Variants in PARD3B observed in about 807,000 individuals in gnomAD.
PARD3B encodes the protein par-3 family cell polarity regulator beta, also known as partitioning defective 3 homolog B.
PARD3B carries 103 observed loss-of-function variants against 130.2 expected under a neutral mutation model. The ratio of observed to expected loss-of-function variants is 0.79; its 90% CI spans 0.67 to 0.93. The LOEUF (loss-of-function observed/expected upper bound fraction) is 0.93, where lower values mean the gene tolerates loss of function less well. Ranked by LOEUF, PARD3B falls within the 40% of genes least tolerant of loss-of-function variation. The probability of loss-of-function intolerance (pLI) is 0.00; values close to 1 mark genes in which losing one functional copy is unlikely to be tolerated. For missense variants in PARD3B, 1,609 were observed against 1,499.2 expected, an observed-to-expected ratio of 1.07 and a Z score of -1.21; for synonymous variants, 583 against 553.2, an observed-to-expected ratio of 1.05 and a Z score of -0.76.
At chr2:204,567,708 A>T (rs1002135281) in intron 1 of PARD3B, among the ~76,000 whole-genome samples, 1 of 152,182 alleles carries the variant, frequency 6.6e-6, no homozygotes, top group Non-Finnish European at 1.5e-5. Flanking sequence ...CTCTGCTTTC[A>T]CTATTTTCGG....
intron 4 of PARD3B, among the ~76,000 whole-genome samples, chr2:205,077,540 T>G (rs1701142323): frequency 6.6e-6 from 1 of 152,210 alleles, no homozygotes; most frequent in Non-Finnish European, 1.5e-5. Flanking sequence ...AGTTCATGCA[T>G]TCTGTAGTTC....
intron 16 of PARD3B, chr2:205,293,461 A>G (rs1386744382): frequency 2.0e-5 from 3 of 152,370 alleles, no homozygotes; most frequent in Admixed American, 6.5e-5. Flanking sequence ...CAAGGTATAC[A>G]AGGAGGAGCT....
intron 2 of PARD3B, among the ~76,000 whole-genome samples, chr2:204,962,686 A>T (rs1419850934): frequency 1.3e-5 from 2 of 152,190 alleles, no homozygotes; most frequent in African/African-American, 4.8e-5. Context: ...CATATGATTT[A>T]AACCAGTTAT....
intron 1 of PARD3B, among the ~76,000 whole-genome samples, chr2:204,580,400 G>T (rs2032492808): frequency 6.6e-6 from 1 of 151,956 alleles, no homozygotes; most frequent in Non-Finnish European, 1.5e-5. Context: ...TCATGCCCAG[G>T]GTCACACTGG....
intron 18 of PARD3B, among the ~76,000 whole-genome samples, chr2:205,386,729 C>A (rs1009956017): frequency 1.1e-4 from 17 of 151,522 alleles, no homozygotes; most frequent in African/African-American, 4.1e-4. Context: ...ACTGGGGCAC[C>A]GAGCAGGAGG....
chr2:204,731,430 G>T (rs537747571), intron 2 of PARD3B, among the ~76,000 whole-genome samples: 20 of 152,224 alleles, frequency 1.3e-4, no homozygotes, highest in African/African-American at 4.6e-4. Flanking sequence ...TTAACAAAAG[G>T]ATATTTCCAA....
At chr2:205,607,823 A>AACACCCAT (rs1264261950) in intron 22 of PARD3B, among the ~76,000 whole-genome samples, 1,157 of 85,856 alleles carry the variant, frequency 0.013, 50 homozygotes, top group African/African-American at 0.06. Context: ...CCTCTCCCCC[A>AACACCCAT]ACACCCATAC....
chr2:205,108,043 C>T lies in PARD3B; in HGVS notation c.593+3529C>T, dbSNP rs540605194. ...TCTTAAAACGCCAGCGCATTTTAGC[C>T]TATCCTCTCCTGTGTCAAGGATATC... On this transcript the variant is annotated intron_variant, in intron 5 of 22. Coordinates refer to ENST00000406610, the MANE Select transcript of PARD3B (RefSeq NM_001302769.2). Among the ~76,000 whole-genome samples, 4 of 152,248 alleles carry T rather than the reference C, an allele frequency of 2.6e-5. No individual in the cohort carries two copies. The East Asian group carries it at 7.7e-4, about 29-fold the overall frequency.
At chr2:205,075,240 GA>G (rs1444106495) in intron 4 of PARD3B, among the ~76,000 whole-genome samples, 1 of 152,122 alleles carries the variant, frequency 6.6e-6, no homozygotes, top group African/African-American at 2.4e-5. Flanking sequence ...GAATGTTTGA[GA>G]GCTTCCCGAA....
intron 1 of PARD3B, among the ~76,000 whole-genome samples, chr2:204,585,592 C>T (rs1241376464): frequency 6.6e-6 from 1 of 151,276 alleles, no homozygotes; most frequent in Non-Finnish European, 1.5e-5. Context: ...GATTTTCCTT[C>T]CTTGGCCTCC....
Position 205,245,751 on chromosome 2 carries a change from C to T in PARD3B, c.2141-27C>T, listed in dbSNP as rs754338381. On this transcript the variant is annotated intron_variant, in intron 15 of 22. Coordinates refer to ENST00000406610, the MANE Select transcript of PARD3B (RefSeq NM_001302769.2). The stretch of plus-strand genomic sequence containing the variant: ...GTCTGATTTACAAGCCGGTCTGATC[C>T]TTGTCTCTTTTATTTCTTCTCCTCA... The T allele has an allele frequency of 2.6e-6, 4 of 1,561,388 alleles. No homozygotes were observed. In the African/African-American group the frequency reaches 4.1e-5, roughly 16 times the overall value.
rs1331947037 is a variant in PARD3B, at chr2:204,677,154, T to C, written c.121-9027T>C. Among the ~76,000 whole-genome samples the C allele has an allele frequency of 6.6e-6, 1 of 152,228 alleles. No homozygotes were observed. The highest frequency in any genetic ancestry group is 1.5e-5 in the Non-Finnish European group (1 of 68,036). On this transcript the variant is annotated intron_variant, in intron 1 of 22. Transcript: ENST00000406610. The surrounding 1 kb of genome is among the most constrained non-coding windows in gnomAD (Gnocchi z 4.1). ...TACCTCTGTTGTCTCAGTTCTCATGTACTTATTTACGGAGGTCTAAGTGTT... is the reference window on the plus strand; with the variant it reads ...TACCTCTGTTGTCTCAGTTCTCATGCACTTATTTACGGAGGTCTAAGTGTT...
In PARD3B at chr2:205,239,453, G is replaced by A. The variant is rs559318310; in HGVS notation, c.2141-6325G>A. On this transcript the variant is annotated intron_variant, in intron 15 of 22. Coordinates refer to ENST00000406610, the MANE Select transcript of PARD3B (RefSeq NM_001302769.2). ...CATTTGTATCTCCTCATTAGACCAT[G>A]GGGTTGAGTATCTGATTCTTTTAAG... 7.9e-5 allele frequency among the ~76,000 whole-genome samples: 12 copies of A among 152,256 alleles called. No individual in the cohort carries two copies. In the South Asian group the frequency reaches 2.5e-3, roughly 32 times the overall value.
intron 2 of PARD3B, among the ~76,000 whole-genome samples, chr2:204,847,760 G>T (rs1331493478): frequency 6.6e-6 from 1 of 152,118 alleles, no homozygotes; most frequent in East Asian, 1.9e-4. Flanking sequence ...GTGTAGTGTT[G>T]TTGGCAATTT....
chr2:205,533,396 C>G (rs2051690144), intron 21 of PARD3B, among the ~76,000 whole-genome samples: 1 of 152,072 alleles, frequency 6.6e-6, no homozygotes, highest in Admixed American at 6.5e-5. Flanking sequence ...ATTTTATTCT[C>G]CTATCCACCA....
intron 21 of PARD3B, among the ~76,000 whole-genome samples, chr2:205,548,829 A>G (rs1162219940): frequency 6.6e-6 from 1 of 152,142 alleles, no homozygotes; most frequent in African/African-American, 2.4e-5. Flanking sequence ...GAGAATGAGG[A>G]GAGAAGCTAC....
chr2:205,156,543 T>TAA (rs10694645), intron 10 of PARD3B, among the ~76,000 whole-genome samples: 5,927 of 147,666 alleles, frequency 0.04, 253 homozygotes, highest in African/African-American at 0.11. Flanking sequence ...GAGGAAAAGA[T>TAA]AAAAAAAAAA....
intron 21 of PARD3B, among the ~76,000 whole-genome samples, chr2:205,516,165 T>G (rs922512263): frequency 4.6e-5 from 7 of 152,154 alleles, no homozygotes; most frequent in Admixed American, 1.3e-4. Flanking sequence ...TGCCTGGTTT[T>G]GTACCAGTAC....
At position 205,405,385 on chromosome 2, in the gene PARD3B, G is replaced by A. The variant is rs2046385329; in HGVS notation, c.2741+4262G>A. On this transcript the variant is annotated intron_variant, in intron 19 of 22. Coordinates refer to ENST00000406610, the MANE Select transcript of PARD3B (RefSeq NM_001302769.2). This position sits in a 1 kb window ranked among gnomAD's most constrained non-coding sequence, Gnocchi z 4.1. Reference sequence around the variant, plus strand: ...CAACATGAATCATCCAACCCAAAATGTCAATAGTACAGAGTCTGAGAAACC... The same window carrying A: ...CAACATGAATCATCCAACCCAAAATATCAATAGTACAGAGTCTGAGAAACC... 6.6e-6 allele frequency among the ~76,000 whole-genome samples: 1 copy of A among 152,164 alleles called. No individual in the cohort carries two copies. Among genetic ancestry groups the A allele is most frequent in the Non-Finnish European group, 1.5e-5 (1 of 68,028 alleles).
Sources: gnomAD v4.1 joint callset for allele counts (sites outside exome capture counted in the v4.1 genomes callset) on GRCh38, gnomAD v4.1.1 for gene constraint, Gnocchi (gnomAD v3.1) non-coding constraint, MANE v1.5 for transcripts, NCBI Gene and HGNC (gene_info 2026-07-23, HGNC 2026-07-21) for gene names.